Variants in LANCL1 observed in about 807,000 individuals in gnomAD.
LANCL1 encodes the protein LanC like glutathione S-transferase 1, also known as glutathione S-transferase LANCL1.
LANCL1 carries 50 observed loss-of-function variants against 50.6 expected under a neutral mutation model. That is an observed-to-expected ratio of 0.99 (90% CI 0.79 to 1.25). LANCL1 has a LOEUF of 1.25. Among genes scored for constraint, LANCL1 ranks in the 50% most tolerant of loss-of-function variants. LANCL1 has a pLI of 0.00. For synonymous variants in LANCL1, 188 were observed against 178.6 expected, an observed-to-expected ratio of 1.05 and a Z score of -0.42; for missense variants, 532 against 480.7, an observed-to-expected ratio of 1.11 and a Z score of -1.00.
At chr2:210,461,485 T>C (rs2287424) in intron 3 of LANCL1, among the ~76,000 whole-genome samples, 82,762 of 151,876 alleles carry the variant, frequency 0.54, 23,189 homozygotes, top group East Asian at 0.82. Context: ...CAGTAACTAA[T>C]ACCCACATGT....
rs967372474 is a variant in LANCL1 at position 210,449,532 on chromosome 2, G to C, written c.407+5575C>G. 2.6e-5 allele frequency among the ~76,000 whole-genome samples: 4 copies of C among 152,158 alleles called. No individual in the cohort carries two copies. The South Asian group carries it at 6.2e-4, about 24-fold the overall frequency. On this transcript the variant is annotated intron_variant, in intron 4 of 9. Coordinates refer to ENST00000450366, the MANE Select transcript of LANCL1 (RefSeq NM_006055.3). ...ATCAGGCAAGAGAAAGAAATAAAGG[G>C]TACTCAGATAGGAACAGAGGAAGTC...
Position 210,441,424 on chromosome 2 carries a change from T to A in LANCL1, c.427A>T (p.Ile143Phe). 6.2e-7 allele frequency: 1 copy of A among 1,610,478 alleles called. No homozygotes were observed. Among genetic ancestry groups the A allele is most frequent in the Admixed American group, 1.7e-5 (1 of 59,868 alleles). The change falls in exon 5 of 10, where the codon ATT becomes TTT. Residue 143 changes from isoleucine (I) to phenylalanine (F), a missense_variant. Transcript: ENST00000450366. ...CITRLIHLNK[I>F]DPHAPNEMLY... ...ATTTCATTTGGAGCATGAGGATCAA[T>A]CTTATTTAGGTGAATTAGCCTAAAA... is the stretch of plus-strand genomic sequence containing the variant.
chr2:210,455,811 T>TG (rs368814537), intron 3 of LANCL1, among the ~76,000 whole-genome samples: 2,679 of 111,182 alleles, frequency 0.024, 59 homozygotes, highest in African/African-American at 0.1. Context: ...TGTGTGTGTG[T>TG]TTTTTTTTTT....
In LANCL1 at chr2:210,441,368, A is replaced by G. The variant is rs770212960; in HGVS notation, c.483T>C (p.Ala161=). 8 of 1,613,216 alleles carry G rather than the reference A, an allele frequency of 5.0e-6. No homozygotes were observed. In the African/African-American group the frequency reaches 1.1e-4, roughly 22 times the overall value. ...CAAAGTTCTTATTGACAAAAAGAAG[A>G]GCATAGATGTAGCCTATTCGCCCAT... ...MLYGRIGYIY[A]LLFVNKNFGV... The change falls in exon 5 of 10, where the codon GCT becomes GCC. Residue 161 remains alanine, a synonymous_variant. Transcript: ENST00000450366.
rs1692778545 is a variant in LANCL1 at position 210,432,468 on chromosome 2, G to A, written c.*2019C>T. On this transcript the variant is annotated 3_prime_UTR_variant, in exon 10 of 10. Coordinates refer to ENST00000450366, the MANE Select transcript of LANCL1 (RefSeq NM_006055.3). Reference sequence around the variant, plus strand: ...CCCACAAGCTTAGCATTCCAATAATGGAACACTAGGCATAAATGGGTTAAC... The same window carrying A: ...CCCACAAGCTTAGCATTCCAATAATAGAACACTAGGCATAAATGGGTTAAC... 6.6e-6 allele frequency: 1 copy of A among 152,098 alleles called. No individual in the cohort carries two copies. The highest frequency in any genetic ancestry group is 2.1e-4 in the South Asian group (1 of 4,820). The allele number at this position is 152,098 out of a possible 1,614,324, so 9.4% of individuals were successfully genotyped here.
intron 3 of LANCL1, chr2:210,460,922 GCTGA>G (rs1029296563): frequency 1.2e-4 from 19 of 152,120 alleles, no homozygotes; most frequent in African/African-American, 4.1e-4. Flanking sequence ...TAATTTCAGA[GCTGA>G]CTAACCAATA....
intron 7 of LANCL1, 137 bp from the exon 8 acceptor site, chr2:210,436,529 G>T: frequency 1.3e-6 from 1 of 788,886 alleles, no homozygotes; most frequent in African/African-American, 1.7e-5. Context: ...AGAGGGATGT[G>T]TTATGTTGCT....
intron 4 of LANCL1, among the ~76,000 whole-genome samples, chr2:210,449,257 G>C (rs1268508646): frequency 1.3e-5 from 2 of 152,126 alleles, no homozygotes; most frequent in Non-Finnish European, 2.9e-5. Flanking sequence ...AAAACCACAT[G>C]ACTATCTCAA....
intron 3 of LANCL1, among the ~76,000 whole-genome samples, chr2:210,470,447 T>C (rs886188464): frequency 6.6e-6 from 1 of 152,198 alleles, no homozygotes; most frequent in Non-Finnish European, 1.5e-5. Flanking sequence ...GAATCATGTG[T>C]CATTATTGGT....
intron 3 of LANCL1, among the ~76,000 whole-genome samples, chr2:210,464,092 C>A (rs1256415955): frequency 6.6e-6 from 1 of 152,176 alleles, no homozygotes. Context: ...GCTTCTGTTA[C>A]ATTTCTATTT....
Position 210,476,380 on chromosome 2 carries a change from A to G in LANCL1, c.17T>C (p.Phe6Ser), listed in dbSNP as rs1574450263. MAQRAFPNPYADYNKS... is the reference protein window; with the variant it reads MAQRASPNPYADYNKS... ...GTTATAATCAGCATAAGGATTCGGG[A>G]AGGCCCTTTGAGCCATGACGCCGGA... The change falls in exon 2 of 10, where the codon TTC becomes TCC. Residue 6 changes from phenylalanine to serine, a missense_variant. Phe to Ser is a radical substitution (Grantham distance 155). Transcript: ENST00000450366. 2.5e-6 allele frequency: 4 copies of G among 1,614,056 alleles called. No homozygotes were observed. The highest frequency in any genetic ancestry group is 3.4e-6 in the Non-Finnish European group (4 of 1,180,012).
chr2:210,434,855 A>G (rs1434436821), intron 9 of LANCL1, among the ~76,000 whole-genome samples: 1 of 152,018 alleles, frequency 6.6e-6, no homozygotes, highest in East Asian at 1.9e-4. Flanking sequence ...GCAAAAACGA[A>G]GGATGGCTCC....
intron 6 of LANCL1, 101 bp from the exon 7 acceptor site, chr2:210,437,973 G>A (rs1692993415): frequency 1.4e-5 from 11 of 775,884 alleles, no homozygotes; most frequent in Non-Finnish European, 1.9e-6. Context: ...AGGGGAAATG[G>A]AAGGTCATTA....
intron 4 of LANCL1, among the ~76,000 whole-genome samples, chr2:210,448,186 G>A (rs2105900309): frequency 6.6e-6 from 1 of 152,282 alleles, no homozygotes; most frequent in East Asian, 1.9e-4. Flanking sequence ...TAGAACTCAG[G>A]ATCAAGAAAC....
intron 2 of LANCL1, among the ~76,000 whole-genome samples, chr2:210,473,575 C>G (rs1694280176): frequency 6.6e-6 from 1 of 152,262 alleles, no homozygotes; most frequent in South Asian, 2.1e-4. Context: ...TAACCACTCA[C>G]ATCAGAATCT....
chr2:210,477,150 AAAAC>A (rs760512568), upstream of LANCL1, among the ~76,000 whole-genome samples: 9 of 152,132 alleles, frequency 5.9e-5, no homozygotes, highest in South Asian at 1.5e-3. Context: ...TTCATTTCTT[AAAAC>A]AAACAAACAA....
chr2:210,440,319 A>G (rs1179078989), intron 6 of LANCL1, among the ~76,000 whole-genome samples: 2 of 152,242 alleles, frequency 1.3e-5, no homozygotes, highest in Non-Finnish European at 2.9e-5. Flanking sequence ...ATTATAAGTC[A>G]AAACACTTTA....
chr2:210,448,265 G>A (rs1016480783), intron 4 of LANCL1, among the ~76,000 whole-genome samples: 1 of 152,194 alleles, frequency 6.6e-6, no homozygotes, highest in African/African-American at 2.4e-5. Context: ...GGTAAATAAC[G>A]AAATTAAGGC....
intron 3 of LANCL1, among the ~76,000 whole-genome samples, chr2:210,455,621 TA>T (rs1282975888): frequency 6.6e-6 from 1 of 152,182 alleles, no homozygotes; most frequent in East Asian, 1.9e-4. Flanking sequence ...GTACTCTGGT[TA>T]TTGTGTTAAT....
Sources: gnomAD v4.1 joint callset for allele counts (sites outside exome capture counted in the v4.1 genomes callset) on GRCh38, gnomAD v4.1.1 for gene constraint, MANE v1.5 for transcripts, NCBI Gene and HGNC (gene_info 2026-07-23, HGNC 2026-07-21) for gene names.